Variants in CPNE8 observed in about 807,000 individuals in gnomAD.
The protein encoded by CPNE8 is copine 8.
Under a neutral mutation model 81.5 loss-of-function variants are expected in CPNE8, and 45 were observed. The ratio of observed to expected loss-of-function variants is 0.55; its 90% CI spans 0.44 to 0.71. The LOEUF (loss-of-function observed/expected upper bound fraction) is 0.71. CPNE8 is among the 30% of genes least tolerant of loss of function. The pLI, the probability that CPNE8 is intolerant of heterozygous loss-of-function variation, is 0.00. For missense variants in CPNE8, 594 were observed against 672.1 expected, an observed-to-expected ratio of 0.88 and a Z score of 1.28; for synonymous variants, 252 against 226.3, an observed-to-expected ratio of 1.11 and a Z score of -1.02.
At chr12:38,677,811 T>C (rs557836606) in intron 16 of CPNE8, among the ~76,000 whole-genome samples, 10 of 152,028 alleles carry the variant, frequency 6.6e-5, no homozygotes, top group South Asian at 4.1e-4. Context: ...GTGTGCTAGA[T>C]GAGTGACTAT....
chr12:38,779,338 C>A (rs934291953), intron 6 of CPNE8, among the ~76,000 whole-genome samples: 1 of 151,972 alleles, frequency 6.6e-6, no homozygotes, highest in African/African-American at 2.4e-5. Context: ...GAGAGAAAAT[C>A]AAGAGGAGGT....
rs917515912 is a variant in CPNE8, at chr12:38,772,138, A to G, written c.471+4100T>C. On this transcript the variant is annotated intron_variant, in intron 7 of 19. Coordinates refer to ENST00000331366, the MANE Select transcript of CPNE8 (RefSeq NM_153634.3). ...GCTAGGGTGCCCCTCAGGTGTCCCT[A>G]TGTTCACAAATGTCTGCTTCCACTT... 4.6e-5 allele frequency among the ~76,000 whole-genome samples: 7 copies of G among 152,166 alleles called. No individual in the cohort carries two copies. The South Asian group carries it at 1.2e-3, about 27-fold the overall frequency.
At chr12:38,789,925 T>C (rs981231911) in intron 6 of CPNE8, among the ~76,000 whole-genome samples, 2 of 151,760 alleles carry the variant, frequency 1.3e-5, no homozygotes, top group African/African-American at 2.4e-5. Context: ...AAATGGCTTA[T>C]ATCGGAATGA....
intron 16 of CPNE8, chr12:38,679,613 CTTT>C (rs1417747598): frequency 3.0e-6 from 3 of 985,020 alleles, no homozygotes; most frequent in African/African-American, 3.5e-5. Context: ...CCATTTTAGT[CTTT>C]ATCACCTTCG....
chr12:38,765,861 T>A (rs1441772190), intron 8 of CPNE8, among the ~76,000 whole-genome samples: 1 of 152,094 alleles, frequency 6.6e-6, no homozygotes, highest in African/African-American at 2.4e-5. Flanking sequence ...ACATCTTTTT[T>A]TATTTTTTTT....
intron 15 of CPNE8, among the ~76,000 whole-genome samples, chr12:38,690,218 A>G (rs1939642682): frequency 6.6e-6 from 1 of 152,338 alleles, no homozygotes; most frequent in East Asian, 1.9e-4. Context: ...GTAGTTCATG[A>G]AAGACAAGAC....
At chr12:38,758,376 TTA>T (rs1565600701) in intron 10 of CPNE8, among the ~76,000 whole-genome samples, 5 of 152,116 alleles carry the variant, frequency 3.3e-5, no homozygotes, top group Non-Finnish European at 7.4e-5. Flanking sequence ...AATAAAAAAA[TTA>T]TGTTAGATTG....
At chr12:38,808,021 A>G (rs1366161875) in intron 6 of CPNE8, among the ~76,000 whole-genome samples, 2 of 152,182 alleles carry the variant, frequency 1.3e-5, no homozygotes, top group African/African-American at 4.8e-5. Flanking sequence ...ATCACTGGCC[A>G]TCAGAGAAAT....
At chr12:38,762,323 C>G (rs928292662) in intron 8 of CPNE8, 107 bp from the exon 9 acceptor site, 32 of 487,352 alleles carry the variant, frequency 6.6e-5, no homozygotes, top group African/African-American at 6.0e-4. Flanking sequence ...TAGTCAGTTC[C>G]GCTGTTGCTG....
chr12:38,818,323 C>A (rs1327040983), intron 6 of CPNE8, among the ~76,000 whole-genome samples: 1 of 152,060 alleles, frequency 6.6e-6, no homozygotes, highest in Non-Finnish European at 1.5e-5. Context: ...GTGTGATGTT[C>A]CCCTCCCTGT....
In CPNE8 at chr12:38,822,606, G is replaced by A. The variant is rs1366581257; in HGVS notation, c.407+6773C>T. Among the ~76,000 whole-genome samples the A allele has an allele frequency of 2.0e-5, 3 of 152,132 alleles. No homozygotes were observed. The East Asian group carries it at 5.8e-4, about 29-fold the overall frequency. ...TTCAGATATTTCAGATGAGGAAGCT[G>A]GGTCTCAGGAATTTGATGCACTTTG... On this transcript the variant is annotated intron_variant, in intron 6 of 19. Coordinates refer to ENST00000331366, the MANE Select transcript of CPNE8 (RefSeq NM_153634.3).
intron 13 of CPNE8, among the ~76,000 whole-genome samples, chr12:38,719,726 G>T (rs1940505798): frequency 6.6e-6 from 1 of 151,814 alleles, no homozygotes; most frequent in South Asian, 2.1e-4. Context: ...CTATCCAAAA[G>T]AATAAGTTAA....
At chr12:38,906,235 G>C, upstream of CPNE8, 2 of 985,502 alleles carry the variant, frequency 2.0e-6, no homozygotes, top group Non-Finnish European at 2.4e-6. Context: ...GCCCACTGTC[G>C]GCCACTTGAG....
chr12:38,782,650 G>A (rs1040156039), intron 6 of CPNE8, among the ~76,000 whole-genome samples: 3 of 151,996 alleles, frequency 2.0e-5, no homozygotes, highest in African/African-American at 7.2e-5. Flanking sequence ...AAAGTAAACA[G>A]GAGTTCTGAA....
intron 6 of CPNE8, among the ~76,000 whole-genome samples, chr12:38,814,511 C>T (rs1029308646): frequency 2.6e-5 from 4 of 151,620 alleles, no homozygotes; most frequent in African/African-American, 4.8e-5. Flanking sequence ...TTAATAGAAA[C>T]GGGGTTTCAC....
At chr12:38,674,451 G>A (rs770168828) in intron 18 of CPNE8, among the ~76,000 whole-genome samples, 3 of 152,122 alleles carry the variant, frequency 2.0e-5, no homozygotes, top group Admixed American at 1.3e-4. Flanking sequence ...CCTACCAATT[G>A]GTGAAGTTTG....
intron 13 of CPNE8, among the ~76,000 whole-genome samples, chr12:38,709,663 T>C (rs554167165): frequency 3.0e-4 from 45 of 152,296 alleles, no homozygotes; most frequent in Middle Eastern, 3.4e-3. Flanking sequence ...GTGAGCATAC[T>C]TCTTTGAATA....
At chr12:38,833,348 T>C (rs1177788344) in intron 5 of CPNE8, among the ~76,000 whole-genome samples, 1 of 107,086 alleles carries the variant, frequency 9.3e-6, no homozygotes, top group Non-Finnish European at 1.7e-5. Context: ...TGAGACCTTA[T>C]CTCAAAAAAA....
intron 1 of CPNE8, among the ~76,000 whole-genome samples, chr12:38,894,070 T>C (rs1286429470): frequency 6.6e-6 from 1 of 152,140 alleles, no homozygotes; most frequent in Non-Finnish European, 1.5e-5. Flanking sequence ...AGTAATATCA[T>C]AGGTCATCTT....
Sources: gnomAD v4.1 joint callset for allele counts (sites outside exome capture counted in the v4.1 genomes callset) on GRCh38, gnomAD v4.1.1 for gene constraint, MANE v1.5 for transcripts, NCBI Gene and HGNC (gene_info 2026-07-23, HGNC 2026-07-21) for gene names.